The following CNTN5 variants were observed in gnomAD, a reference collection of about 807,000 sequenced individuals.
CNTN5 encodes the protein contactin-5.
CNTN5 carries 77 observed loss-of-function variants against 129.1 expected under a neutral mutation model. The observed-to-expected ratio is 0.60, with a 90% CI of 0.50 to 0.72. The LOEUF (loss-of-function observed/expected upper bound fraction) is 0.72. CNTN5 is among the 30% of genes least tolerant of loss of function. The pLI, the probability that CNTN5 is intolerant of heterozygous loss-of-function variation, is 0.00. For missense variants in CNTN5, 1,478 were observed against 1,328.8 expected (o/e 1.11, Z -1.75); for synonymous variants, 509 against 465.6 (o/e 1.09, Z -1.20).
intron 3 of CNTN5, among the ~76,000 whole-genome samples, chr11:99,609,658 C>T (rs547832454): frequency 1.3e-5 from 2 of 152,198 alleles, no homozygotes; most frequent in South Asian, 4.2e-4. Flanking sequence ...GATTCTCAGG[C>T]TCATTCACTT....
intron 17 of CNTN5, among the ~76,000 whole-genome samples, chr11:100,268,522 A>G (rs2138774315): frequency 6.6e-6 from 1 of 152,280 alleles, no homozygotes; most frequent in Admixed American, 6.5e-5. Flanking sequence ...AAAAGGGCCT[A>G]ATGAGCTGTG....
At chr11:100,177,210 G>C (rs1947992921) in intron 13 of CNTN5, among the ~76,000 whole-genome samples, 1 of 152,034 alleles carries the variant, frequency 6.6e-6, no homozygotes, top group Non-Finnish European at 1.5e-5. Context: ...CCCCTCCCAA[G>C]CCAGGAAAAA....
chr11:99,105,464 T>C (rs1866951255), intron 1 of CNTN5, among the ~76,000 whole-genome samples: 1 of 152,184 alleles, frequency 6.6e-6, no homozygotes, highest in Non-Finnish European at 1.5e-5. Flanking sequence ...CCTTAATAAA[T>C]ATCACAGAAT....
chr11:99,722,683 A>T (rs1205525456), intron 3 of CNTN5, among the ~76,000 whole-genome samples: 2 of 152,152 alleles, frequency 1.3e-5, no homozygotes, highest in Non-Finnish European at 2.9e-5. Flanking sequence ...CTTCTAAAAA[A>T]TACAAGGTAC....
intron 2 of CNTN5, among the ~76,000 whole-genome samples, chr11:99,454,229 G>A (rs1205389168): frequency 1.3e-5 from 2 of 152,110 alleles, no homozygotes; most frequent in African/African-American, 4.8e-5. Flanking sequence ...TAACAAGGGA[G>A]AAAGATACTC....
intron 8 of CNTN5, among the ~76,000 whole-genome samples, chr11:99,998,088 C>G (rs892409537): frequency 6.6e-6 from 1 of 152,046 alleles, no homozygotes; most frequent in Admixed American, 6.5e-5. Flanking sequence ...CCATTGAAAA[C>G]GGGCACAAGA....
intron 4 of CNTN5, among the ~76,000 whole-genome samples, chr11:99,820,559 C>T (rs2135560239): frequency 6.6e-6 from 1 of 152,422 alleles, no homozygotes; most frequent in South Asian, 2.1e-4. Flanking sequence ...GATCCATCGA[C>T]AAAATAATGC....
rs369103877 is a variant in CNTN5 at position 99,824,383 on chromosome 11, A to G, written c.277+4618A>G. 8.4e-4 allele frequency among the ~76,000 whole-genome samples: 128 copies of G among 152,118 alleles called. 2 individuals carry two copies. The highest frequency in any genetic ancestry group is 2.9e-3 in the African/African-American group (119 of 41,550). On this transcript the variant is annotated intron_variant, in intron 4 of 24. Transcript: ENST00000524871. ...AGTGAGGTTGAAATTTCATGTAAAT[A>G]TTGGACATTCTGGTTTTTTCTAATG...
At chr11:99,523,699 TAGAAC>T (rs1231227420) in intron 2 of CNTN5, among the ~76,000 whole-genome samples, 20 of 69,090 alleles carry the variant, frequency 2.9e-4, no homozygotes, top group African/African-American at 1.2e-3. Context: ...CAGAACAGAA[TAGAAC>T]AGAATAGAAT....
rs1943473616 is a variant in CNTN5, at chr11:100,061,358, G to GA, written c.1133dup (p.Asn378LysfsTer21). Reference sequence around the variant, plus strand: ...GAGTGCAGAGCTGAAAACTCACGTGGAAAAAATTCCTTTCGTGGACAATTA... The same window carrying GA: ...GAGTGCAGAGCTGAAAACTCACGTGGAAAAAAATTCCTTTCGTGGACAATTA... On this transcript the variant is annotated frameshift_variant, in exon 10 of 25. Coordinates refer to ENST00000524871, the MANE Select transcript of CNTN5 (RefSeq NM_014361.4). LOFTEE classifies it high-confidence loss of function. The GA allele has an allele frequency of 6.3e-7, 1 of 1,598,564 alleles. No individual in the cohort carries two copies. Among genetic ancestry groups the GA allele is most frequent in the Non-Finnish European group, 8.6e-7 (1 of 1,168,596 alleles).
At chr11:99,140,781 G>T (rs988519289) in intron 1 of CNTN5, among the ~76,000 whole-genome samples, 3 of 151,964 alleles carry the variant, frequency 2.0e-5, no homozygotes, top group Non-Finnish European at 4.4e-5. Flanking sequence ...TTTTGTTTAT[G>T]GGATGAATCA....
At chr11:99,815,388 T>A (rs1946554459) in intron 3 of CNTN5, among the ~76,000 whole-genome samples, 1 of 151,602 alleles carries the variant, frequency 6.6e-6, no homozygotes, top group East Asian at 1.9e-4. Context: ...ACTCTGAGGA[T>A]ATGTCATAGA....
chr11:99,989,636 A>C (rs1021243964), intron 8 of CNTN5, among the ~76,000 whole-genome samples: 1 of 152,218 alleles, frequency 6.6e-6, no homozygotes, highest in Admixed American at 6.5e-5. Flanking sequence ...GTAATTACAG[A>C]GAATTTTCTA....
chr11:99,711,341 A>G (rs1248720489), intron 3 of CNTN5, among the ~76,000 whole-genome samples: 2 of 151,902 alleles, frequency 1.3e-5, no homozygotes, highest in African/African-American at 4.8e-5. Context: ...TTGTATTGTT[A>G]TTCATGGTTT....
At chr11:99,845,020 T>G in intron 5 of CNTN5, 45 bp downstream of exon 5, 1 of 1,609,536 alleles carries the variant, frequency 6.2e-7, no homozygotes, top group Non-Finnish European at 8.5e-7. Flanking sequence ...TTAAAAACTT[T>G]CCATCAATGA....
At position 99,407,283 on chromosome 11, in the gene CNTN5, A is replaced by C. The variant is rs1361147906; in HGVS notation, c.-71+81799A>C. On this transcript the variant is annotated intron_variant, in intron 2 of 24. Coordinates refer to ENST00000524871, the MANE Select transcript of CNTN5 (RefSeq NM_014361.4). ...CAGTTAGAAACTGATGAATCCTGAC[A>C]GGCCTAGTGCTTCTATTCAAATCAG... is the stretch of plus-strand genomic sequence containing the variant. Among the ~76,000 whole-genome samples, 3 of 152,152 alleles carry C rather than the reference A, an allele frequency of 2.0e-5. 1 individual carries two copies. The South Asian group carries it at 6.2e-4, about 32-fold the overall frequency.
chr11:100,060,860 C>T (rs897915528), intron 9 of CNTN5, among the ~76,000 whole-genome samples: 16 of 151,898 alleles, frequency 1.1e-4, no homozygotes, highest in African/African-American at 3.9e-4. Context: ...AGGCTGGTCT[C>T]GAACTCCTGA....
intron 13 of CNTN5, among the ~76,000 whole-genome samples, chr11:100,077,503 G>A (rs1201253790): frequency 6.6e-6 from 1 of 151,898 alleles, no homozygotes; most frequent in East Asian, 1.9e-4. Flanking sequence ...TGGGGAAAAG[G>A]AATTAACATA....
intron 1 of CNTN5, among the ~76,000 whole-genome samples, chr11:99,111,618 A>G (rs974923254): frequency 4.6e-5 from 7 of 151,964 alleles, no homozygotes; most frequent in African/African-American, 1.4e-4. Flanking sequence ...CTATTTTACA[A>G]ATTGAATCTT....
Sources: allele counts gnomAD v4.1 joint callset (sites outside exome capture counted in the v4.1 genomes callset), GRCh38; gene constraint gnomAD v4.1.1; transcripts MANE v1.5; gene names NCBI Gene and HGNC (gene_info 2026-07-23, HGNC 2026-07-21).